The following CAMK2D variants were observed in gnomAD, a reference collection of about 807,000 sequenced individuals.
CAMK2D encodes the protein calcium/calmodulin dependent protein kinase II delta, also known as calcium/calmodulin-dependent protein kinase type II subunit delta.
CAMK2D carries 37 observed loss-of-function variants against 84.0 expected under a neutral mutation model. That is an observed-to-expected ratio of 0.44 (90% CI 0.34 to 0.58). CAMK2D has a LOEUF of 0.58. CAMK2D is among the 20% of genes least tolerant of loss of function. CAMK2D has a pLI of 0.02. For missense variants in CAMK2D, 448 were observed against 652.5 expected (o/e 0.69, Z 3.41); for synonymous variants, 202 against 212.5 (o/e 0.95, Z 0.43).
At chr4:113,543,565 G>A (rs1389209091) in intron 6 of CAMK2D, among the ~76,000 whole-genome samples, 1 of 151,900 alleles carries the variant, frequency 6.6e-6, no homozygotes, top group East Asian at 1.9e-4. Context: ...GGCCAGCAGG[G>A]TTTCATGCAC....
intron 2 of CAMK2D, among the ~76,000 whole-genome samples, chr4:113,703,118 A>G (rs1319763892): frequency 6.6e-6 from 1 of 152,162 alleles, no homozygotes; most frequent in Non-Finnish European, 1.5e-5. Context: ...AACAGTACTC[A>G]CTGAGTTCTA....
intron 4 of CAMK2D, among the ~76,000 whole-genome samples, chr4:113,608,442 C>A (rs905961073): frequency 6.6e-6 from 1 of 152,046 alleles, no homozygotes; most frequent in South Asian, 2.1e-4. Context: ...TTTTCTCCCC[C>A]GTTATAAAGG....
Position 113,573,002 on chromosome 4 carries a change from T to G in CAMK2D, c.276-20906A>C, listed in dbSNP as rs113990343. Among the ~76,000 whole-genome samples, 1,170 of 152,138 alleles carry G rather than the reference T, an allele frequency of 7.7e-3. 15 individuals carry two copies. Among genetic ancestry groups the G allele is most frequent in the African/African-American group, 0.026 (1,091 of 41,504 alleles). On this transcript the variant is annotated intron_variant, in intron 4 of 20. Transcript: ENST00000511664. ...GTGAGAGCTAAAAGATATGAACTTATGAACACAAAGAAGGAAACAACAGAT... is the reference window on the plus strand; with the variant it reads ...GTGAGAGCTAAAAGATATGAACTTAGGAACACAAAGAAGGAAACAACAGAT...
chr4:113,545,085 TTAA>T (rs1353749353), intron 6 of CAMK2D, among the ~76,000 whole-genome samples: 16 of 152,234 alleles, frequency 1.1e-4, no homozygotes, highest in African/African-American at 3.4e-4. Flanking sequence ...TAATGAACAC[TTAA>T]TAAGCTATTT....
intron 6 of CAMK2D, among the ~76,000 whole-genome samples, chr4:113,547,009 T>C (rs1010949774): frequency 2.0e-5 from 3 of 152,200 alleles, no homozygotes; most frequent in African/African-American, 7.2e-5. Context: ...ATTTGCTACA[T>C]AAATATTATT....
intron 3 of CAMK2D, among the ~76,000 whole-genome samples, chr4:113,612,834 A>G (rs1258084191): frequency 6.6e-6 from 1 of 152,206 alleles, no homozygotes; most frequent in Non-Finnish European, 1.5e-5. Context: ...AGTGCTTCTG[A>G]GGCTAAAAAT....
chr4:113,552,638 G>A (rs1290786884), intron 4 of CAMK2D, among the ~76,000 whole-genome samples: 2 of 152,110 alleles, frequency 1.3e-5, no homozygotes, highest in East Asian at 3.8e-4. Flanking sequence ...ATGAAATTAT[G>A]GGCACCATGT....
At chr4:113,463,453 C>T (rs889830445) in intron 17 of CAMK2D, among the ~76,000 whole-genome samples, 7 of 151,978 alleles carry the variant, frequency 4.6e-5, no homozygotes, top group African/African-American at 1.4e-4. Context: ...CTCAGCTCAC[C>T]GCAACCTCTG....
intron 14 of CAMK2D, 145 bp downstream of exon 14, chr4:113,504,831 C>CAAA (rs35574643): frequency 1.3e-4 from 32 of 241,350 alleles, no homozygotes; most frequent in East Asian, 2.4e-4. Context: ...TCATAGAAAG[C>CAAA]AAAAAAAAAA....
rs571807405 is a variant in CAMK2D, at chr4:113,453,615, G to T, written c.*930C>A. 1 of 152,132 alleles carries T rather than the reference G, an allele frequency of 6.6e-6. No individual in the cohort carries two copies. The highest frequency in any genetic ancestry group is 2.1e-4 in the South Asian group (1 of 4,818). 9.4% of individuals were successfully genotyped at this position (152,132 alleles called of 1,614,324 possible). On this transcript the variant is annotated 3_prime_UTR_variant, in exon 21 of 21. Coordinates refer to ENST00000511664, the MANE Select transcript of CAMK2D (RefSeq NM_001321571.2). ...AGTGCTAGTATAGCTACCTTCAAAA[G>T]ACTTTTATTTCCCTTTTACATTCAT...
chr4:113,461,921 A>G (rs957645776), intron 17 of CAMK2D, among the ~76,000 whole-genome samples: 1 of 152,344 alleles, frequency 6.6e-6, no homozygotes, highest in Non-Finnish European at 1.5e-5. Flanking sequence ...ATACCTTTAA[A>G]AAGTAGAAAT....
At chr4:113,731,139 C>T (rs961648846) in intron 2 of CAMK2D, among the ~76,000 whole-genome samples, 3 of 152,172 alleles carry the variant, frequency 2.0e-5, no homozygotes, top group African/African-American at 7.2e-5. Context: ...CCACCTCTCT[C>T]CCATAAATCT....
At chr4:113,552,152 C>A in intron 4 of CAMK2D, 56 bp from the exon 5 acceptor site, 1 of 975,084 alleles carries the variant, frequency 1.0e-6, no homozygotes, top group Non-Finnish European at 1.6e-6. Flanking sequence ...AAATAAGCAT[C>A]AATAGATTTG....
At chr4:113,606,927 G>A (rs1407712790) in intron 4 of CAMK2D, among the ~76,000 whole-genome samples, 2 of 151,892 alleles carry the variant, frequency 1.3e-5, no homozygotes, top group African/African-American at 4.8e-5. Context: ...TATCTTTAGG[G>A]GAAAAACAAT....
At chr4:113,517,713 A>C in intron 8 of CAMK2D, 56 bp from the exon 9 acceptor site, 2 of 802,034 alleles carry the variant, frequency 2.5e-6, no homozygotes, top group Non-Finnish European at 4.3e-6. Context: ...CAGTAAATTA[A>C]ATGTGGCTGA....
At chr4:113,664,890 A>AC (rs910531252) in intron 2 of CAMK2D, among the ~76,000 whole-genome samples, 4 of 150,834 alleles carry the variant, frequency 2.7e-5, no homozygotes, top group African/African-American at 9.8e-5. Flanking sequence ...TGCAACCTCC[A>AC]CCCCCCGGGT....
intron 2 of CAMK2D, among the ~76,000 whole-genome samples, chr4:113,710,489 C>T (rs2099488808): frequency 6.6e-6 from 1 of 152,142 alleles, no homozygotes; most frequent in African/African-American, 2.4e-5. Context: ...AACTACTGTT[C>T]ACAACACACA....
chr4:113,487,392 T>A (rs1162858954), intron 16 of CAMK2D, among the ~76,000 whole-genome samples: 1 of 152,078 alleles, frequency 6.6e-6, no homozygotes, highest in Non-Finnish European at 1.5e-5. Context: ...TTTATTGGTA[T>A]AAAATAATAC....
chr4:113,627,148 A>G (rs977284380), intron 3 of CAMK2D, among the ~76,000 whole-genome samples: 3 of 152,176 alleles, frequency 2.0e-5, no homozygotes, highest in Non-Finnish European at 4.4e-5. Flanking sequence ...AAAAAAGCAG[A>G]GAAAAAATAC....
Sources: allele counts gnomAD v4.1 joint callset (sites outside exome capture counted in the v4.1 genomes callset), GRCh38; gene constraint gnomAD v4.1.1; transcripts MANE v1.5; gene names NCBI Gene and HGNC (gene_info 2026-07-23, HGNC 2026-07-21).